The following GRIK2 variants were observed in gnomAD, a reference collection of about 807,000 sequenced individuals.
GRIK2 encodes the protein glutamate ionotropic receptor kainate type subunit 2, also known as glutamate receptor ionotropic, kainate 2.
GRIK2 carries 32 observed loss-of-function variants against 100.3 expected under a neutral mutation model. The observed-to-expected ratio is 0.32, with a 90% CI of 0.24 to 0.43. The LOEUF (loss-of-function observed/expected upper bound fraction) is 0.43, where lower values mean the gene tolerates loss of function less well. Among genes scored for constraint, GRIK2 ranks in the 20% least tolerant of loss-of-function variants. The pLI, the probability that GRIK2 is intolerant of heterozygous loss-of-function variation, is 1.00. For missense variants in GRIK2, 843 were observed against 1,114.9 expected (o/e 0.76, Z 3.47); for synonymous variants, 417 against 389.4 (o/e 1.07, Z -0.83).
chr6:101,574,315 A>T (rs1242555754), intron 2 of GRIK2, among the ~76,000 whole-genome samples: 2 of 147,562 alleles, frequency 1.4e-5, no homozygotes, highest in Non-Finnish European at 3.0e-5. Context: ...TTATATATTT[A>T]ATATATTATG....
At chr6:101,728,271 A>G (rs1185441331) in intron 7 of GRIK2, among the ~76,000 whole-genome samples, 1 of 152,106 alleles carries the variant, frequency 6.6e-6, no homozygotes. Context: ...GAAAACTGAC[A>G]TCAACTAAGT....
At chr6:101,585,182 A>G (rs9498631) in intron 2 of GRIK2, among the ~76,000 whole-genome samples, 37,092 of 151,948 alleles carry the variant, frequency 0.24, 4,728 homozygotes, top group African/African-American at 0.32. Flanking sequence ...ATAAATTAGT[A>G]AGATAGACGT....
chr6:101,990,699 C>T (rs2128492092), intron 14 of GRIK2, among the ~76,000 whole-genome samples: 1 of 151,628 alleles, frequency 6.6e-6, no homozygotes, highest in South Asian at 2.1e-4. Context: ...TTCTAGTTTT[C>T]AGCTGGTGCC....
At chr6:101,912,649 T>C (rs1788820910) in intron 12 of GRIK2, among the ~76,000 whole-genome samples, 1 of 151,584 alleles carries the variant, frequency 6.6e-6, no homozygotes, top group African/African-American at 2.4e-5. Flanking sequence ...TTCTTAGAAT[T>C]TCCACGCCAC....
At chr6:102,011,173 G>C (rs1484386571) in intron 14 of GRIK2, among the ~76,000 whole-genome samples, 3 of 152,196 alleles carry the variant, frequency 2.0e-5, no homozygotes, top group Non-Finnish European at 2.9e-5. Context: ...CAATGAGTGA[G>C]AGTTCTTGTT....
At chr6:101,914,391 A>G (rs1788959586) in intron 12 of GRIK2, among the ~76,000 whole-genome samples, 1 of 151,408 alleles carries the variant, frequency 6.6e-6, no homozygotes, top group Non-Finnish European at 1.5e-5. Flanking sequence ...CAGATGTAAT[A>G]TGGAATGGGT....
At chr6:101,581,157 G>GAT (rs1325697862) in intron 2 of GRIK2, among the ~76,000 whole-genome samples, 2 of 141,716 alleles carry the variant, frequency 1.4e-5, no homozygotes, top group African/African-American at 5.4e-5. Context: ...ATTAATAGGA[G>GAT]ATATATATAC....
At chr6:101,835,745 G>A (rs1346413718) in intron 10 of GRIK2, among the ~76,000 whole-genome samples, 11 of 147,840 alleles carry the variant, frequency 7.4e-5, no homozygotes, top group South Asian at 4.4e-4. Flanking sequence ...GATTACAGCC[G>A]TGAACCATGG....
At chr6:101,951,562 C>T (rs1791608041) in intron 14 of GRIK2, among the ~76,000 whole-genome samples, 1 of 152,160 alleles carries the variant, frequency 6.6e-6, no homozygotes, top group South Asian at 2.1e-4. Flanking sequence ...TATGGTTTAG[C>T]TGTGTTCCCA....
chr6:101,928,266 T>C, intron 13 of GRIK2, 149 bp from the exon 14 acceptor site: 1 of 607,172 alleles, frequency 1.6e-6, no homozygotes, highest in South Asian at 2.0e-5. Flanking sequence ...GCTTTCCCAA[T>C]GGTTGTTGCT....
chr6:101,780,764 G>A (rs1406555266), intron 7 of GRIK2, among the ~76,000 whole-genome samples: 1 of 152,172 alleles, frequency 6.6e-6, no homozygotes, highest in Non-Finnish European at 1.5e-5. Flanking sequence ...AGCAAAAGCA[G>A]ATAAATCAAT....
chr6:101,659,842 G>C (rs1769476091), intron 4 of GRIK2, among the ~76,000 whole-genome samples: 1 of 152,202 alleles, frequency 6.6e-6, no homozygotes. Context: ...GAGATACACT[G>C]TTAGTCTGAT....
chr6:101,555,590 A>C (rs996862713), intron 2 of GRIK2, among the ~76,000 whole-genome samples: 1 of 152,208 alleles, frequency 6.6e-6, no homozygotes, highest in Non-Finnish European at 1.5e-5. Flanking sequence ...TAGTCTTTCT[A>C]TTGGGTACAT....
intron 6 of GRIK2, 83 bp from the exon 7 acceptor site, chr6:101,686,097 A>G (rs979016593): frequency 6.8e-6 from 8 of 1,179,426 alleles, no homozygotes; most frequent in South Asian, 1.6e-5. Flanking sequence ...CCTAAAAAAA[A>G]CAAAAAAAGT....
rs552520316 is a variant in GRIK2, at chr6:101,562,303, C to T, written c.116-59646C>T. ...TTCTCCAGGATGACAGATGACAGTT[C>T]TGTCATAATGGACACGGCATCACAC... On this transcript the variant is annotated intron_variant, in intron 2 of 16. Transcript: ENST00000369134. 2.4e-3 allele frequency among the ~76,000 whole-genome samples: 366 copies of T among 151,940 alleles called. 1 individual carries two copies. The highest frequency in any genetic ancestry group is 4.1e-3 in the Non-Finnish European group (277 of 67,970).
At position 101,686,239 on chromosome 6, in the gene GRIK2, C is replaced by T. The variant is rs752985950; in HGVS notation, c.837C>T (p.Phe279=). The T allele has an allele frequency of 5.6e-6, 9 of 1,612,420 alleles. No individual in the cohort carries two copies. The highest frequency in any genetic ancestry group is 7.6e-6 in the Non-Finnish European group (9 of 1,178,780). ...ACAGTGGTGTTAACATGACAGGGTT[C>T]AGAATATTAAATACAGAAAATACCC... ...YRYSGVNMTG[F]RILNTENTQV... The change falls in exon 7 of 17, where the codon TTC becomes TTT. Residue 279 remains phenylalanine, a synonymous_variant. Coordinates refer to ENST00000369134, the MANE Select transcript of GRIK2 (RefSeq NM_021956.5).
chr6:101,758,417 T>C (rs1777273540), intron 7 of GRIK2, among the ~76,000 whole-genome samples: 1 of 152,184 alleles, frequency 6.6e-6, no homozygotes, highest in Non-Finnish European at 1.5e-5. Context: ...AAATATAGTT[T>C]ATGTAATTCA....
chr6:101,971,444 A>T (rs1340146201), intron 14 of GRIK2, among the ~76,000 whole-genome samples: 1 of 152,022 alleles, frequency 6.6e-6, no homozygotes, highest in East Asian at 1.9e-4. Flanking sequence ...ATGATATAGG[A>T]TAGAATGGAA....
chr6:101,912,248 T>A (rs1186316594), intron 12 of GRIK2, among the ~76,000 whole-genome samples: 1 of 151,366 alleles, frequency 6.6e-6, no homozygotes, highest in African/African-American at 2.4e-5. Context: ...AAAAAAATGG[T>A]TGGCAAATAG....
Sources: gnomAD v4.1 joint callset for allele counts (sites outside exome capture counted in the v4.1 genomes callset) on GRCh38, gnomAD v4.1.1 for gene constraint, MANE v1.5 for transcripts, NCBI Gene and HGNC (gene_info 2026-07-23, HGNC 2026-07-21) for gene names.